Variants in SHQ1 observed in about 807,000 individuals in gnomAD.
SHQ1 encodes protein SHQ1 homolog.
SHQ1 carries 49 observed loss-of-function variants against 53.8 expected under a neutral mutation model. That is an observed-to-expected ratio of 0.91 (90% CI 0.72 to 1.16). The LOEUF (loss-of-function observed/expected upper bound fraction) is 1.16, where lower values mean the gene tolerates loss of function less well. Ranked by LOEUF, SHQ1 falls within the 50% of genes most tolerant of loss-of-function variation. SHQ1 has a pLI of 0.00. For synonymous variants in SHQ1, 243 were observed against 251.0 expected (o/e 0.97, Z 0.30); for missense variants, 738 against 683.1 (o/e 1.08, Z -0.90).
chr3:72,764,453 G>C (rs1705675970), intron 10 of SHQ1, among the ~76,000 whole-genome samples: 1 of 152,200 alleles, frequency 6.6e-6, no homozygotes, highest in Non-Finnish European at 1.5e-5. Flanking sequence ...TCAAACTTGG[G>C]AAAGTGTATT....
intron 4 of SHQ1, among the ~76,000 whole-genome samples, chr3:72,834,855 C>T (rs1309254834): frequency 6.6e-6 from 1 of 152,146 alleles, no homozygotes; most frequent in African/African-American, 2.4e-5. Flanking sequence ...TATCACAGCA[C>T]TAGGTATTAG....
chr3:72,799,170 A>T (rs893015545), intron 9 of SHQ1, among the ~76,000 whole-genome samples: 13 of 152,048 alleles, frequency 8.5e-5, no homozygotes, highest in African/African-American at 3.1e-4. Context: ...AAAAAATAAT[A>T]ATAATTTTAA....
chr3:72,732,388 GCCTTCCTT>G, the SHQ1 span, among the ~76,000 whole-genome samples: 17 of 58,186 alleles, frequency 2.9e-4, no homozygotes, highest in African/African-American at 6.7e-4. Flanking sequence ...CTGCCTGCCT[GCCTTCCTT>G]CCTTCCTTCC....
chr3:72,788,901 C>T (rs1039574373), intron 10 of SHQ1, among the ~76,000 whole-genome samples: 1 of 151,854 alleles, frequency 6.6e-6, no homozygotes, highest in Admixed American at 6.6e-5. Context: ...AGAGTCATCA[C>T]CACTCCCTAA....
rs563766758 is a variant in SHQ1, at chr3:72,835,362, C to T, written c.487-2881G>A. On this transcript the variant is annotated intron_variant, in intron 4 of 10. Coordinates refer to ENST00000325599, the MANE Select transcript of SHQ1 (RefSeq NM_018130.3). ...TAATGTCGGTTTCCTTTCTCTCTGT[C>T]TCCCTCTTCCACTGCTGCTCCCTGT... is the stretch of plus-strand genomic sequence containing the variant. 2.0e-5 allele frequency among the ~76,000 whole-genome samples: 3 copies of T among 152,190 alleles called. No homozygotes were observed. In the South Asian group the frequency reaches 6.2e-4, roughly 32 times the overall value.
chr3:72,765,797 C>T (rs775956359), intron 10 of SHQ1, among the ~76,000 whole-genome samples: 3 of 151,948 alleles, frequency 2.0e-5, no homozygotes, highest in Non-Finnish European at 4.4e-5. Context: ...AGGTGATCTG[C>T]CTGCCTTGGC....
chr3:72,832,957 A>C (rs1005551990), intron 4 of SHQ1, among the ~76,000 whole-genome samples: 5 of 152,194 alleles, frequency 3.3e-5, no homozygotes, highest in African/African-American at 1.2e-4. Flanking sequence ...CCTTATACAA[A>C]ATGCTTGGGA....
chr3:72,792,876 G>A, intron 10 of SHQ1, 40 bp downstream of exon 10: 1 of 1,496,576 alleles, frequency 6.7e-7, no homozygotes, highest in Non-Finnish European at 9.0e-7. Flanking sequence ...TCAGCAATGT[G>A]AACATCTAAA....
chr3:72,769,762 CA>C (rs1430577994), intron 10 of SHQ1, among the ~76,000 whole-genome samples: 4 of 152,160 alleles, frequency 2.6e-5, no homozygotes, highest in Non-Finnish European at 2.9e-5. Context: ...CTAAATGCTC[CA>C]TAACAGAGAC....
chr3:72,739,548 T>TACTCAACCTCTA, the SHQ1 span, among the ~76,000 whole-genome samples: 3 of 152,188 alleles, frequency 2.0e-5, no homozygotes, highest in African/African-American at 7.2e-5. Flanking sequence ...TCAGGCAAGC[T>TACTCAACCTCTA]ACTCAACCTC....
Position 72,750,368 on chromosome 3 carries a change from A to T in SHQ1, c.1650T>A (p.Val550=), listed in dbSNP as rs760357181. Residue 550 remains valine (V), a synonymous_variant, in exon 11 of 11, where the codon GTT becomes GTA. Transcript: ENST00000325599. ...EELGEQLKTT[V]QVSEPKGTTA... ...TGGTGCCCTTGGGTTCAGAAACCTG[A>T]ACTGTAGTCTTCAGTTGTTCCCCAA... 1 of 1,614,054 alleles carries T rather than the reference A, an allele frequency of 6.2e-7. No individual in the cohort carries two copies. The highest frequency in any genetic ancestry group is 1.1e-5 in the South Asian group (1 of 91,080).
chr3:72,788,828 T>C (rs866260615), intron 10 of SHQ1, among the ~76,000 whole-genome samples: 5 of 152,154 alleles, frequency 3.3e-5, no homozygotes, highest in African/African-American at 1.2e-4. Context: ...AAGGGTTAAA[T>C]GGATTAAGGG....
chr3:72,800,105 T>G (rs539878063), intron 9 of SHQ1, among the ~76,000 whole-genome samples: 6 of 152,264 alleles, frequency 3.9e-5, no homozygotes, highest in African/African-American at 1.4e-4. Flanking sequence ...TCTACCCTCA[T>G]GAATGTTAAC....
At chr3:72,794,287 A>G (rs1706532673) in intron 9 of SHQ1, 1 of 152,182 alleles carries the variant, frequency 6.6e-6, no homozygotes, top group Admixed American at 6.5e-5. Flanking sequence ...CTGACACTAA[A>G]TTTTTTAACA....
At position 72,750,719 on chromosome 3, in the gene SHQ1, T is replaced by C. The variant is rs139808175; in HGVS notation, c.1299A>G (p.Glu433=). The C allele has an allele frequency of 6.4e-7, 1 of 1,566,108 alleles. No individual in the cohort carries two copies. Among genetic ancestry groups the C allele is most frequent in the Non-Finnish European group, 8.7e-7 (1 of 1,154,334 alleles). Residue 433 remains glutamate, a synonymous_variant, in exon 11 of 11, where the codon GAA becomes GAG. Transcript: ENST00000325599. ...EAAALLVQEE[E]TALKAAHSVS... is the part of the protein sequence containing the mutation. ...CTGAATGGGCTGCTTTTAATGCAGTTTCTTCCTCCTGGACAAGCAGTGCTG... is the reference window on the plus strand; with the variant it reads ...CTGAATGGGCTGCTTTTAATGCAGTCTCTTCCTCCTGGACAAGCAGTGCTG...
chr3:72,844,096 A>G (rs1245857383), intron 2 of SHQ1, among the ~76,000 whole-genome samples: 6 of 152,334 alleles, frequency 3.9e-5, no homozygotes, highest in Non-Finnish European at 5.9e-5. Context: ...TTAAATGTCT[A>G]CTAAATGTAG....
At chr3:72,818,622 C>A (rs1707384309) in intron 6 of SHQ1, among the ~76,000 whole-genome samples, 1 of 152,198 alleles carries the variant, frequency 6.6e-6, no homozygotes. Context: ...TCTAAGATGA[C>A]TTCCAATGAG....
intron 9 of SHQ1, among the ~76,000 whole-genome samples, chr3:72,807,146 T>G (rs759216627): frequency 2.6e-5 from 4 of 152,184 alleles, no homozygotes; most frequent in Non-Finnish European, 5.9e-5. Flanking sequence ...GAGCTGAGAA[T>G]TAGAGGTCAA....
chr3:72,754,316 C>T (rs1034717223), intron 10 of SHQ1, among the ~76,000 whole-genome samples: 3 of 152,084 alleles, frequency 2.0e-5, no homozygotes, highest in Non-Finnish European at 2.9e-5. Context: ...GCCCTCTTCC[C>T]GTTCCACCAA....
Sources: allele counts gnomAD v4.1 joint callset (sites outside exome capture counted in the v4.1 genomes callset), GRCh38; gene constraint gnomAD v4.1.1; transcripts MANE v1.5; gene names NCBI Gene and HGNC (gene_info 2026-07-23, HGNC 2026-07-21).